The following TTLL5 variants were observed in gnomAD, a reference collection of about 807,000 sequenced individuals.
The protein encoded by TTLL5 is tubulin polyglutamylase TTLL5.
A neutral mutation model predicts 168.4 loss-of-function variants in TTLL5; 132 were observed. That is an observed-to-expected ratio of 0.78 (90% CI 0.68 to 0.91). TTLL5 has a LOEUF of 0.91. Ranked by LOEUF, TTLL5 falls within the 40% of genes least tolerant of loss-of-function variation. The probability of loss-of-function intolerance (pLI) is 0.00; values close to 1 mark genes in which losing one functional copy is unlikely to be tolerated. For missense variants in TTLL5, 1,545 were observed against 1,581.5 expected (o/e 0.98, Z 0.39); for synonymous variants, 546 against 558.6 (o/e 0.98, Z 0.32).
intron 13 of TTLL5, among the ~76,000 whole-genome samples, chr14:75,733,170 T>C (rs1888651990): frequency 6.6e-6 from 1 of 152,234 alleles, no homozygotes; most frequent in African/African-American, 2.4e-5. Flanking sequence ...TAGTAAGGTG[T>C]AGAGCTAGAT....
intron 22 of TTLL5, among the ~76,000 whole-genome samples, chr14:75,776,241 T>C (rs992537950): frequency 1.4e-4 from 22 of 152,194 alleles, no homozygotes; most frequent in African/African-American, 4.6e-4. Flanking sequence ...ATGGAATTGT[T>C]GGTAGAATAT....
intron 31 of TTLL5, among the ~76,000 whole-genome samples, chr14:75,905,322 T>C (rs576292206): frequency 3.3e-5 from 5 of 152,230 alleles, no homozygotes; most frequent in Non-Finnish European, 5.9e-5. Context: ...CCTGTAAGTC[T>C]TGCCTGCCAG....
chr14:75,948,949 T>C (rs2034865313), intron 31 of TTLL5, among the ~76,000 whole-genome samples: 1 of 152,138 alleles, frequency 6.6e-6, no homozygotes, highest in Admixed American at 6.6e-5. Context: ...ACAAAAATCT[T>C]CCCACAAGTT....
chr14:75,794,413 A>G (rs1188228442), intron 27 of TTLL5, among the ~76,000 whole-genome samples: 1 of 151,380 alleles, frequency 6.6e-6, no homozygotes, highest in Non-Finnish European at 1.5e-5. Context: ...ATGGGCAGCT[A>G]GAAGCACCAA....
At chr14:75,663,439 A>C (rs1241413937) in intron 2 of TTLL5, among the ~76,000 whole-genome samples, 2 of 152,216 alleles carry the variant, frequency 1.3e-5, no homozygotes, top group Non-Finnish European at 2.9e-5. Context: ...AAATGAGATA[A>C]GGCTCTCTTT....
intron 28 of TTLL5, among the ~76,000 whole-genome samples, chr14:75,841,176 T>A (rs1447665812): frequency 6.6e-6 from 1 of 152,212 alleles, no homozygotes; most frequent in Non-Finnish European, 1.5e-5. Flanking sequence ...GCATTGGGAA[T>A]CACATTTCAA....
At chr14:75,820,810 A>G (rs2140415957) in intron 28 of TTLL5, 1 of 152,968 alleles carries the variant, frequency 6.5e-6, no homozygotes, top group East Asian at 1.9e-4. Flanking sequence ...TGTATTAAAA[A>G]AAAAAAAAAA....
At chr14:75,808,768 C>T (rs1329301583) in intron 27 of TTLL5, among the ~76,000 whole-genome samples, 1 of 151,880 alleles carries the variant, frequency 6.6e-6, no homozygotes, top group Non-Finnish European at 1.5e-5. Context: ...TCAATTGATC[C>T]AGTCATATTC....
At chr14:75,943,030 T>C (rs953416534) in intron 31 of TTLL5, among the ~76,000 whole-genome samples, 3 of 152,146 alleles carry the variant, frequency 2.0e-5, no homozygotes, top group African/African-American at 7.2e-5. Flanking sequence ...GGCCAAGCCA[T>C]TAAAGCAAAA....
intron 28 of TTLL5, among the ~76,000 whole-genome samples, chr14:75,823,874 T>G (rs1395675997): frequency 6.6e-6 from 1 of 152,244 alleles, no homozygotes; most frequent in Non-Finnish European, 1.5e-5. Context: ...CACCCTGTCC[T>G]TCTGCCCTCT....
intron 21 of TTLL5, among the ~76,000 whole-genome samples, chr14:75,774,894 G>T (rs924605143): frequency 9.9e-5 from 15 of 151,946 alleles, no homozygotes; most frequent in Non-Finnish European, 2.1e-4. Context: ...TTACTGTGTT[G>T]GCCAGGCTGA....
At chr14:75,711,478 C>T (rs1887073157) in intron 9 of TTLL5, 1 of 151,992 alleles carries the variant, frequency 6.6e-6, no homozygotes, top group South Asian at 2.1e-4. Flanking sequence ...TGAGATGAAG[C>T]TAATAGCCAG....
At chr14:75,902,035 A>G (rs1801683575) in intron 30 of TTLL5, 107 bp from the exon 31 acceptor site, 4 of 897,148 alleles carry the variant, frequency 4.5e-6, no homozygotes. Context: ...TGAGTGAATG[A>G]GCCACAGGAG....
At chr14:75,754,380 G>A (rs937202209) in intron 18 of TTLL5, among the ~76,000 whole-genome samples, 1 of 152,114 alleles carries the variant, frequency 6.6e-6, no homozygotes, top group African/African-American at 2.4e-5. Context: ...ATCTGCAAAT[G>A]TATGGTGATC....
At position 75,954,358 on chromosome 14, in the gene TTLL5, G is replaced by T. The variant is rs191017297; in HGVS notation, c.3824-66G>T. ...AGTGATGTTAGATAAACCAGACATT[G>T]CTGCCTGTAAGTAAAACCCCATGCT... is the stretch of plus-strand genomic sequence containing the variant. On this transcript the variant is annotated intron_variant, in intron 31 of 31. Coordinates refer to ENST00000298832, the MANE Select transcript of TTLL5 (RefSeq NM_015072.5). 1.2e-4 allele frequency: 188 copies of T among 1,554,226 alleles called. No homozygotes were observed. In the African/African-American group the frequency reaches 2.3e-3, roughly 19 times the overall value.
At chr14:75,895,832 G>A (rs1447441355) in intron 30 of TTLL5, among the ~76,000 whole-genome samples, 1 of 152,198 alleles carries the variant, frequency 6.6e-6, no homozygotes, top group Non-Finnish European at 1.5e-5. Context: ...CAACAGTCAG[G>A]TGCATGGCAG....
intron 28 of TTLL5, among the ~76,000 whole-genome samples, chr14:75,855,355 T>TTTCACCCA (rs1897079914): frequency 2.6e-5 from 4 of 152,044 alleles, no homozygotes; most frequent in African/African-American, 7.2e-5. Flanking sequence ...CACTGGAGGG[T>TTTCACCCA]GAACAAAAGC....
chr14:75,889,739 A>G (rs1161179400), intron 30 of TTLL5, among the ~76,000 whole-genome samples: 1 of 149,724 alleles, frequency 6.7e-6, no homozygotes, highest in African/African-American at 2.4e-5. Context: ...CTGAGGCATG[A>G]GAATCGCTCG....
chr14:75,801,343 C>T (rs1441981070), intron 27 of TTLL5, among the ~76,000 whole-genome samples: 1 of 152,064 alleles, frequency 6.6e-6, no homozygotes, highest in Non-Finnish European at 1.5e-5. Flanking sequence ...CCATTTCCCA[C>T]GCAGCCAACA....
Sources: gnomAD v4.1 joint callset for allele counts (sites outside exome capture counted in the v4.1 genomes callset) on GRCh38, gnomAD v4.1.1 for gene constraint, MANE v1.5 for transcripts, NCBI Gene and HGNC (gene_info 2026-07-23, HGNC 2026-07-21) for gene names.